SPAG16: variants seen among roughly 807,000 people sequenced by gnomAD.
SPAG16 encodes the protein sperm-associated antigen 16 protein.
Under a neutral mutation model 80.4 loss-of-function variants are expected in SPAG16, and 86 were observed. The ratio of observed to expected loss-of-function variants is 1.07; its 90% confidence interval spans 0.90 to 1.28. The LOEUF is 1.28. SPAG16 is among the 50% of genes most tolerant of loss of function. The probability of loss-of-function intolerance (pLI) is 0.00; values close to 1 mark genes in which losing one functional copy is unlikely to be tolerated. For synonymous variants in SPAG16, 294 were observed against 265.9 expected (o/e 1.11, Z -1.03); for missense variants, 870 against 765.3 (o/e 1.14, Z -1.61).
At chr2:213,457,406 G>C (rs780296876) in intron 9 of SPAG16, among the ~76,000 whole-genome samples, 1 of 152,120 alleles carries the variant, frequency 6.6e-6, no homozygotes, top group Non-Finnish European at 1.5e-5. Flanking sequence ...TCTAATTTTC[G>C]TGGTTTCTTG....
At chr2:213,706,882 CATT>C (rs1217863272) in intron 10 of SPAG16, among the ~76,000 whole-genome samples, 2 of 152,154 alleles carry the variant, frequency 1.3e-5, no homozygotes, top group Non-Finnish European at 2.9e-5. Context: ...TGCTTCTAGT[CATT>C]AACATGGCGG....
intron 13 of SPAG16, among the ~76,000 whole-genome samples, chr2:214,072,406 T>C (rs1422881771): frequency 1.3e-5 from 2 of 152,140 alleles, no homozygotes; most frequent in African/African-American, 2.4e-5. Flanking sequence ...ATGTTCTTAT[T>C]AAACATATAA....
chr2:213,488,114 G>T (rs994360717), intron 9 of SPAG16, among the ~76,000 whole-genome samples: 11 of 152,046 alleles, frequency 7.2e-5, no homozygotes, highest in Non-Finnish European at 1.6e-4. Context: ...ATAAGGGAGA[G>T]AATTTTGTCT....
chr2:214,259,577 A>C (rs1285243073), intron 15 of SPAG16, among the ~76,000 whole-genome samples: 1 of 143,814 alleles, frequency 7.0e-6, no homozygotes. Flanking sequence ...TATAACCCTG[A>C]GCCATTTCCT....
intron 15 of SPAG16, among the ~76,000 whole-genome samples, chr2:214,267,817 G>A (rs1305721330): frequency 1.3e-5 from 2 of 151,822 alleles, no homozygotes; most frequent in South Asian, 2.1e-4. Flanking sequence ...GAATTTGTAT[G>A]GAACTACATG....
chr2:213,772,752 A>G (rs755390424), intron 10 of SPAG16, among the ~76,000 whole-genome samples: 8 of 152,156 alleles, frequency 5.3e-5, no homozygotes, highest in Non-Finnish European at 1.0e-4. Flanking sequence ...TATTTCTATA[A>G]AAAAGCCTAT....
At chr2:213,517,202 A>G (rs2075461625) in intron 10 of SPAG16, among the ~76,000 whole-genome samples, 1 of 152,176 alleles carries the variant, frequency 6.6e-6, no homozygotes, top group Admixed American at 6.5e-5. Context: ...GCATGATAAC[A>G]TTTACAACAG....
At chr2:213,594,677 G>A (rs1029206838) in intron 10 of SPAG16, among the ~76,000 whole-genome samples, 3 of 152,184 alleles carry the variant, frequency 2.0e-5, no homozygotes, top group African/African-American at 4.8e-5. Flanking sequence ...CATCATTTAC[G>A]TTTCTGGCTG....
At chr2:213,965,468 C>T (rs561139827) in intron 12 of SPAG16, among the ~76,000 whole-genome samples, 1 of 152,278 alleles carries the variant, frequency 6.6e-6, no homozygotes, top group East Asian at 1.9e-4. Flanking sequence ...GAGAATACCT[C>T]AGGGCATAAG....
chr2:213,968,395 G>T (rs1031764721), intron 12 of SPAG16, among the ~76,000 whole-genome samples: 2 of 152,184 alleles, frequency 1.3e-5, no homozygotes, highest in African/African-American at 4.8e-5. Flanking sequence ...GGTTTGCCAT[G>T]TTGGCCAGCC....
chr2:213,453,454 AT>A (rs1451417804), intron 9 of SPAG16, among the ~76,000 whole-genome samples: 2 of 152,248 alleles, frequency 1.3e-5, no homozygotes, highest in Non-Finnish European at 2.9e-5. Context: ...TCTTGGATAT[AT>A]TCAAAAGCAA....
intron 11 of SPAG16, among the ~76,000 whole-genome samples, chr2:213,920,036 A>G: frequency 6.6e-6 from 1 of 152,184 alleles, no homozygotes; most frequent in East Asian, 1.9e-4. Context: ...CTTTGCCAGT[A>G]TGTAATGCTC....
intron 11 of SPAG16, among the ~76,000 whole-genome samples, chr2:213,885,221 GTA>G (rs2076506102): frequency 6.6e-6 from 1 of 152,174 alleles, no homozygotes; most frequent in Admixed American, 6.6e-5. Context: ...TCACAGAAGG[GTA>G]TATTAGCAAA....
chr2:213,406,647 C>T (rs1318212595), intron 9 of SPAG16, among the ~76,000 whole-genome samples: 1 of 152,144 alleles, frequency 6.6e-6, no homozygotes, highest in Non-Finnish European at 1.5e-5. Context: ...AAGACCTAAG[C>T]GGTGTGCTCA....
At chr2:213,992,320 C>A (rs548390222) in intron 12 of SPAG16, among the ~76,000 whole-genome samples, 1 of 152,178 alleles carries the variant, frequency 6.6e-6, no homozygotes, top group African/African-American at 2.4e-5. Context: ...GACAGTACAC[C>A]TTAACTGTTT....
At chr2:213,914,182 G>C (rs1343435781) in intron 11 of SPAG16, among the ~76,000 whole-genome samples, 1 of 151,986 alleles carries the variant, frequency 6.6e-6, no homozygotes, top group Non-Finnish European at 1.5e-5. Context: ...GATGCTTATT[G>C]TATTATAAAT....
intron 10 of SPAG16, among the ~76,000 whole-genome samples, chr2:213,809,291 T>TTCTC (rs1489035673): frequency 6.6e-6 from 1 of 152,164 alleles, no homozygotes; most frequent in Non-Finnish European, 1.5e-5. Context: ...GTCTGAGAGA[T>TTCTC]TCTCTGATTC....
At chr2:213,592,013 G>A (rs2060710124) in intron 10 of SPAG16, among the ~76,000 whole-genome samples, 2 of 152,182 alleles carry the variant, frequency 1.3e-5, no homozygotes, top group Non-Finnish European at 2.9e-5. Flanking sequence ...GTTCAGTCGG[G>A]AGAGAATATT....
At chr2:214,108,439 TCACACACACA>T (rs71037342) in intron 14 of SPAG16, among the ~76,000 whole-genome samples, 178 bp downstream of exon 14, 74 of 125,126 alleles carry the variant, frequency 5.9e-4, no homozygotes, top group Middle Eastern at 3.8e-3. Flanking sequence ...ATTTTAAAAT[TCACACACACA>T]CACACACACA....
Sources: allele counts gnomAD v4.1 joint callset (sites outside exome capture counted in the v4.1 genomes callset), GRCh38; gene constraint gnomAD v4.1.1; transcripts MANE v1.5; gene names NCBI Gene and HGNC (gene_info 2026-07-23, HGNC 2026-07-21).